DOK6: variants seen among roughly 807,000 people sequenced by gnomAD.
DOK6 encodes downstream of tyrosine kinase 6.
In DOK6, 22 loss-of-function variants were observed where a neutral mutation model predicts 44.0. The ratio of observed to expected loss-of-function variants is 0.50; its 90% confidence interval spans 0.36 to 0.71. The LOEUF (loss-of-function observed/expected upper bound fraction) is 0.71. DOK6 is among the 30% of genes least tolerant of loss of function. The probability of loss-of-function intolerance (pLI) is 0.00; values close to 1 mark genes in which losing one functional copy is unlikely to be tolerated. For synonymous variants in DOK6, 166 were observed against 145.5 expected, an observed-to-expected ratio of 1.14 and a Z score of -1.01; for missense variants, 340 against 416.4, an observed-to-expected ratio of 0.82 and a Z score of 1.60.
At chr18:69,753,597 AGAAG>A (rs1331762717) in intron 6 of DOK6, among the ~76,000 whole-genome samples, 2 of 152,262 alleles carry the variant, frequency 1.3e-5, no homozygotes, top group Admixed American at 1.3e-4. Flanking sequence ...TCAAAAGAAT[AGAAG>A]GAAGAGAGAG....
At position 69,843,837 on chromosome 18, in the gene DOK6, T is replaced by C. The variant is rs1414449842; in HGVS notation, c.*2454T>C. On this transcript the variant is annotated 3_prime_UTR_variant, in exon 8 of 8. Coordinates refer to ENST00000382713, the MANE Select transcript of DOK6 (RefSeq NM_152721.6). ...TCACAATGAGGAGAATGCTATAATC[T>C]ATCTCATGGTACATTTTTGGAGCTT... The C allele has an allele frequency of 6.6e-6, 1 of 152,208 alleles. No individual in the cohort carries two copies. Among genetic ancestry groups the C allele is most frequent in the African/African-American group, 2.4e-5 (1 of 41,448 alleles). The allele number at this position is 152,208 out of a possible 1,614,324, so 9.4% of individuals were successfully genotyped here.
chr18:69,509,852 T>A (rs1482509335), intron 1 of DOK6, among the ~76,000 whole-genome samples: 1 of 152,224 alleles, frequency 6.6e-6, no homozygotes, highest in Non-Finnish European at 1.5e-5. Flanking sequence ...TGTGCCATCG[T>A]TGAGATTCTC....
At chr18:69,556,741 A>C (rs1004173062) in intron 1 of DOK6, among the ~76,000 whole-genome samples, 5 of 152,242 alleles carry the variant, frequency 3.3e-5, no homozygotes, top group Admixed American at 3.3e-4. Context: ...CTATCTATGG[A>C]TCTACCTATC....
intron 5 of DOK6, among the ~76,000 whole-genome samples, chr18:69,731,057 T>G (rs1978384021): frequency 6.6e-6 from 1 of 152,186 alleles, no homozygotes; most frequent in Non-Finnish European, 1.5e-5. Flanking sequence ...TGATTTGTAT[T>G]TTGTTGTTTT....
intron 3 of DOK6, among the ~76,000 whole-genome samples, chr18:69,646,148 G>T (rs1160543136): frequency 6.6e-6 from 1 of 152,084 alleles, no homozygotes; most frequent in Non-Finnish European, 1.5e-5. Context: ...ATGTAGATTT[G>T]AGTTCCTTGA....
At chr18:69,770,928 T>G (rs1484116868) in intron 7 of DOK6, among the ~76,000 whole-genome samples, 1 of 152,056 alleles carries the variant, frequency 6.6e-6, no homozygotes, top group Non-Finnish European at 1.5e-5. Context: ...TCCCTGTTGT[T>G]AGTTCATATG....
At chr18:69,412,647 T>A (rs890621547) in intron 1 of DOK6, among the ~76,000 whole-genome samples, 1 of 152,076 alleles carries the variant, frequency 6.6e-6, no homozygotes, top group African/African-American at 2.4e-5. Flanking sequence ...AAAGTATGCC[T>A]CCATAAGTAA....
At chr18:69,828,879 T>TA (rs1186842754) in intron 7 of DOK6, among the ~76,000 whole-genome samples, 6 of 92,654 alleles carry the variant, frequency 6.5e-5, no homozygotes, top group African/African-American at 1.7e-4. Context: ...GCAATACATT[T>TA]ATGTGTATAT....
chr18:69,764,869 A>C lies in DOK6; in HGVS notation c.856+6996A>C, dbSNP rs534987144. On this transcript the variant is annotated intron_variant, in intron 7 of 7. Coordinates refer to ENST00000382713, the MANE Select transcript of DOK6 (RefSeq NM_152721.6). ...AGGAGTTCTGCTTTCAGTAACACTGATTAATATCCACAGGCCAGCTTTGCC... is the reference window on the plus strand; with the variant it reads ...AGGAGTTCTGCTTTCAGTAACACTGCTTAATATCCACAGGCCAGCTTTGCC... Among the ~76,000 whole-genome samples the C allele has an allele frequency of 2.0e-5, 3 of 152,290 alleles. No homozygotes were observed. In the South Asian group the frequency reaches 6.2e-4, roughly 32 times the overall value.
intron 1 of DOK6, among the ~76,000 whole-genome samples, chr18:69,465,729 C>A (rs1249277606): frequency 6.6e-6 from 1 of 151,856 alleles, no homozygotes; most frequent in East Asian, 1.9e-4. Flanking sequence ...GGGTTGGTTC[C>A]AAGTCTTTGC....
intron 2 of DOK6, among the ~76,000 whole-genome samples, chr18:69,598,203 T>C (rs1051431465): frequency 6.6e-6 from 1 of 151,762 alleles, no homozygotes; most frequent in African/African-American, 2.4e-5. Flanking sequence ...GGAAAATAGA[T>C]CCTAAGGAAT....
chr18:69,836,093 GTGT>G (rs1233665818), intron 7 of DOK6, among the ~76,000 whole-genome samples: 1 of 152,224 alleles, frequency 6.6e-6, no homozygotes, highest in Non-Finnish European at 1.5e-5. Context: ...TATTCACAAT[GTGT>G]TGTCAGTCTC....
At chr18:69,665,584 C>T (rs1056732216) in intron 3 of DOK6, among the ~76,000 whole-genome samples, 4 of 152,156 alleles carry the variant, frequency 2.6e-5, no homozygotes, top group Admixed American at 6.5e-5. Flanking sequence ...ACCTCTGAAG[C>T]GAGCATGGGA....
chr18:69,698,664 A>G, intron 5 of DOK6, 71 bp downstream of exon 5: 1 of 1,468,566 alleles, frequency 6.8e-7, no homozygotes, highest in South Asian at 1.4e-5. Flanking sequence ...GAGTCCTGAA[A>G]GAGAGTGCTG....
At chr18:69,783,101 G>C (rs551248054) in intron 7 of DOK6, among the ~76,000 whole-genome samples, 70 of 152,328 alleles carry the variant, frequency 4.6e-4, no homozygotes, top group African/African-American at 1.6e-3. Context: ...TTGCATCTCA[G>C]CCTTTTGTTC....
At chr18:69,595,432 T>C (rs1031030125) in intron 2 of DOK6, among the ~76,000 whole-genome samples, 1 of 152,182 alleles carries the variant, frequency 6.6e-6, no homozygotes, top group African/African-American at 2.4e-5. Context: ...CCCTCAAAAA[T>C]TGATGTGGAT....
chr18:69,676,449 G>A lies in DOK6; in HGVS notation c.290-1285G>A, dbSNP rs190608352. 4.1e-4 allele frequency among the ~76,000 whole-genome samples: 62 copies of A among 152,212 alleles called. 1 individual carries two copies. The highest frequency in any genetic ancestry group is 1.4e-3 in the African/African-American group (60 of 41,528). Reference sequence around the variant, plus strand: ...AAGGAGAGCCCAGTGTTGGTATTTAGATCCCAAAAGTCAAGAAAACCTGTC... The same window carrying A: ...AAGGAGAGCCCAGTGTTGGTATTTAAATCCCAAAAGTCAAGAAAACCTGTC... On this transcript the variant is annotated intron_variant, in intron 3 of 7. Coordinates refer to ENST00000382713, the MANE Select transcript of DOK6 (RefSeq NM_152721.6).
chr18:69,725,972 G>A (rs573868964), intron 5 of DOK6, among the ~76,000 whole-genome samples: 6 of 152,186 alleles, frequency 3.9e-5, no homozygotes, highest in Admixed American at 2.0e-4. Flanking sequence ...AACTTCTCTC[G>A]CTGGTGGTTA....
intron 5 of DOK6, among the ~76,000 whole-genome samples, chr18:69,736,777 G>A (rs750119510): frequency 5.3e-5 from 8 of 152,146 alleles, no homozygotes; most frequent in Non-Finnish European, 7.3e-5. Context: ...GTGCAAATAC[G>A]TCTTCTAATA....
Sources: allele counts gnomAD v4.1 joint callset (sites outside exome capture counted in the v4.1 genomes callset), GRCh38; gene constraint gnomAD v4.1.1; transcripts MANE v1.5; gene names NCBI Gene and HGNC (gene_info 2026-07-23, HGNC 2026-07-21).